Variants in SLC41A3 observed in about 807,000 individuals in gnomAD.
SLC41A3 encodes the protein solute carrier family 41 member 3.
Under a neutral mutation model 45.4 loss-of-function variants are expected in SLC41A3, and 44 were observed. The observed-to-expected ratio is 0.97, with a 90% CI of 0.76 to 1.25. The LOEUF is 1.25. SLC41A3 is among the 50% of genes most tolerant of loss of function. The pLI is 0.00. For synonymous variants in SLC41A3, 256 were observed against 252.4 expected, an observed-to-expected ratio of 1.01 and a Z score of -0.13; for missense variants, 550 against 600.6, an observed-to-expected ratio of 0.92 and a Z score of 0.88.
intron 1 of SLC41A3, among the ~76,000 whole-genome samples, chr3:126,079,382 T>C (rs1319329823): frequency 2.0e-5 from 3 of 152,006 alleles, no homozygotes; most frequent in Admixed American, 2.0e-4. Context: ...AGGACAAAAC[T>C]TCTAAATAAA....
chr3:126,009,205 G>C (rs1177571199), intron 9 of SLC41A3, among the ~76,000 whole-genome samples: 1 of 152,240 alleles, frequency 6.6e-6, no homozygotes, highest in Admixed American at 6.5e-5. Context: ...TTATCAGTGG[G>C]GATGAGCTCC....
At chr3:126,046,687 C>T (rs1942980596) in intron 3 of SLC41A3, among the ~76,000 whole-genome samples, 1 of 152,182 alleles carries the variant, frequency 6.6e-6, no homozygotes, top group Non-Finnish European at 1.5e-5. Flanking sequence ...CTAGGCTGGG[C>T]ATGGTGGCTC....
chr3:126,092,915 C>T (rs1945518282), intron 1 of SLC41A3, among the ~76,000 whole-genome samples: 2 of 152,212 alleles, frequency 1.3e-5, no homozygotes, highest in African/African-American at 4.8e-5. Flanking sequence ...AGGTTCATCC[C>T]TACCCTTCTG....
At chr3:126,090,856 C>T (rs1417228536) in intron 1 of SLC41A3, among the ~76,000 whole-genome samples, 4 of 152,150 alleles carry the variant, frequency 2.6e-5, no homozygotes, top group Admixed American at 1.3e-4. Flanking sequence ...AAGTCAAGGT[C>T]AAACCCTCCA....
chr3:126,068,013 C>G lies in SLC41A3; in HGVS notation c.207G>C (p.Val69=). The change falls in exon 2 of 11, where the codon GTG becomes GTC. Residue 69 remains valine, a synonymous_variant. Transcript: ENST00000360370. ...RETTWSIGLQ[V]TVPFMFAGLG... The stretch of plus-strand genomic sequence containing the variant: ...GGCCTGCAAACATGAAGGGCACGGT[C>G]ACCTGAAGGCCTATGGACCAGGTGG... 1 of 1,614,026 alleles carries G rather than the reference C, an allele frequency of 6.2e-7. No homozygotes were observed. Among genetic ancestry groups the G allele is most frequent in the Non-Finnish European group, 8.5e-7 (1 of 1,179,998 alleles).
At chr3:126,057,245 A>G in intron 2 of SLC41A3, 5 of 849,850 alleles carry the variant, frequency 5.9e-6, no homozygotes, top group Non-Finnish European at 7.1e-6. Flanking sequence ...TGTTCACAGA[A>G]AAAAACGCAG....
chr3:126,074,002 G>A (rs933523769), intron 1 of SLC41A3, among the ~76,000 whole-genome samples: 2 of 151,992 alleles, frequency 1.3e-5, no homozygotes, highest in Admixed American at 6.6e-5. Flanking sequence ...AACCAAGTGG[G>A]ATTTATTTCA....
intron 4 of SLC41A3, among the ~76,000 whole-genome samples, chr3:126,033,306 T>G (rs772533488): frequency 1.1e-4 from 9 of 79,028 alleles, no homozygotes; most frequent in African/African-American, 4.7e-4. Context: ...AGAAGCCTGT[T>G]AGCACTGTGC....
At chr3:126,095,320 AG>A (rs1945575733) in intron 1 of SLC41A3, 2 of 619,114 alleles carry the variant, frequency 3.2e-6, no homozygotes, top group African/African-American at 1.9e-5. Context: ...GATGCTCAGG[AG>A]GACCCCAACT....
chr3:126,026,182 C>T lies in SLC41A3; in HGVS notation c.598+153G>A, dbSNP rs544644927. ...GTGGGCCATGAAGACCCAGCTGGCT[C>T]GTCCCACCCTGCCAGTGAGAACCCT... is the stretch of plus-strand genomic sequence containing the variant. On this transcript the variant is annotated intron_variant, in intron 5 of 10. Coordinates refer to ENST00000360370, the MANE Select transcript of SLC41A3 (RefSeq NM_017836.4). This position sits in a 1 kb window ranked among gnomAD's most constrained non-coding sequence, Gnocchi z 4.2. 29 of 1,224,024 alleles carry T rather than the reference C, an allele frequency of 2.4e-5. No individual in the cohort carries two copies. The highest frequency in any genetic ancestry group is 1.4e-4 in the South Asian group (9 of 63,292). 75.8% of individuals were successfully genotyped at this position (1,224,024 alleles called of 1,614,324 possible).
intron 2 of SLC41A3, among the ~76,000 whole-genome samples, chr3:126,060,133 G>A (rs112081408): frequency 2.0e-5 from 3 of 152,352 alleles, no homozygotes; most frequent in African/African-American, 7.2e-5. Flanking sequence ...AAAATTGAGT[G>A]AGAGACCGGG....
At chr3:126,033,499 G>T in intron 4 of SLC41A3, 108 bp downstream of exon 4, 3 of 1,236,338 alleles carry the variant, frequency 2.4e-6, no homozygotes, top group Non-Finnish European at 3.5e-6. Context: ...TGTTCTCAAA[G>T]TTCAGGCCAG....
chr3:126,098,717 C>G (rs1391635407), intron 1 of SLC41A3, among the ~76,000 whole-genome samples: 1 of 152,216 alleles, frequency 6.6e-6, no homozygotes, highest in African/African-American at 2.4e-5. Flanking sequence ...TGTCACCCTG[C>G]CACCACAGTG....
intron 2 of SLC41A3, among the ~76,000 whole-genome samples, chr3:126,053,431 T>A (rs6805074): frequency 0.17 from 26,139 of 152,174 alleles, 2,369 homozygotes; most frequent in Middle Eastern, 0.27. Context: ...TGTGGTATTT[T>A]GTGATGGCAG....
chr3:126,075,439 C>CTT (rs35369542), intron 1 of SLC41A3, among the ~76,000 whole-genome samples: 61 of 147,312 alleles, frequency 4.1e-4, no homozygotes, highest in African/African-American at 9.2e-4. Flanking sequence ...TTCCAGTGGT[C>CTT]TTTTTTTTTT....
At chr3:126,013,592 G>A (rs566785162) in intron 8 of SLC41A3, among the ~76,000 whole-genome samples, 10 of 151,922 alleles carry the variant, frequency 6.6e-5, no homozygotes, top group Non-Finnish European at 1.2e-4. Flanking sequence ...GAGGGAAGGT[G>A]AGGGGAGGAC....
intron 1 of SLC41A3, among the ~76,000 whole-genome samples, chr3:126,089,469 G>C (rs1246556357): frequency 1.3e-5 from 2 of 152,152 alleles, no homozygotes; most frequent in Non-Finnish European, 2.9e-5. Flanking sequence ...TTTGACTGAG[G>C]GATGTTTCCC....
chr3:126,050,387 T>G (rs892451695), intron 3 of SLC41A3, among the ~76,000 whole-genome samples: 2 of 152,168 alleles, frequency 1.3e-5, no homozygotes, highest in Admixed American at 6.5e-5. Context: ...GGAAAAAGCT[T>G]CAGTCTCCTG....
chr3:126,073,568 C>T (rs747426134), intron 1 of SLC41A3, among the ~76,000 whole-genome samples: 1 of 152,048 alleles, frequency 6.6e-6, no homozygotes, highest in East Asian at 1.9e-4. Flanking sequence ...TGCACATGTA[C>T]CCCTGAACCT....
Sources: allele counts gnomAD v4.1 joint callset (sites outside exome capture counted in the v4.1 genomes callset), GRCh38; gene constraint gnomAD v4.1.1; non-coding constraint Gnocchi (gnomAD v3.1); transcripts MANE v1.5; gene names NCBI Gene and HGNC (gene_info 2026-07-23, HGNC 2026-07-21).